The following BCL2 variants were observed in gnomAD, a reference collection of about 807,000 sequenced individuals.
BCL2 encodes the protein apoptosis regulator Bcl-2.
Under a neutral mutation model 14.2 loss-of-function variants are expected in BCL2, and 1 was observed. The observed-to-expected ratio is 0.07, with a 90% CI of 0.02 to 0.33. The LOEUF (loss-of-function observed/expected upper bound fraction) is 0.33, where lower values mean the gene tolerates loss of function less well. BCL2 is among the 10% of genes least tolerant of loss of function. The pLI is 0.99. For synonymous variants in BCL2, 151 were observed against 137.2 expected, an observed-to-expected ratio of 1.10 and a Z score of -0.70; for missense variants, 247 against 305.9, an observed-to-expected ratio of 0.81 and a Z score of 1.44.
intron 2 of BCL2, among the ~76,000 whole-genome samples, chr18:63,221,247 G>C (rs1197925279): frequency 6.6e-6 from 1 of 152,202 alleles, no homozygotes; most frequent in Non-Finnish European, 1.5e-5. Context: ...GGCAACCCAT[G>C]ACCCTTTACA....
At chr18:63,300,811 T>A (rs1912943401) in intron 2 of BCL2, among the ~76,000 whole-genome samples, 1 of 152,170 alleles carries the variant, frequency 6.6e-6, no homozygotes, top group African/African-American at 2.4e-5. Flanking sequence ...CCTCAGAGAC[T>A]CCTGAGCTGG....
intron 2 of BCL2, among the ~76,000 whole-genome samples, chr18:63,212,304 G>A (rs960772948): frequency 1.3e-5 from 2 of 151,558 alleles, no homozygotes; most frequent in Non-Finnish European, 3.0e-5. Context: ...CTCCAGCCTG[G>A]GCGACAGAGC....
At position 63,318,677 on chromosome 18, in the gene BCL2, G is replaced by C. The variant is rs753168582; in HGVS notation, c.-11C>G. 6.8e-6 allele frequency: 11 copies of C among 1,612,442 alleles called. No individual in the cohort carries two copies. The highest frequency in any genetic ancestry group is 2.2e-5 in the East Asian group (1 of 44,722). On this transcript the variant is annotated 5_prime_UTR_variant, in exon 2 of 3. Transcript: ENST00000333681. The surrounding 1 kb of genome is among the most constrained non-coding windows in gnomAD (Gnocchi z 7.4). ...CCCAGCGTGCGCCATCCTTCCCAGA[G>C]GAAAAGCAACGGGGGCCAACGGCAC...
At chr18:63,197,231 C>A (rs115700151) in intron 2 of BCL2, among the ~76,000 whole-genome samples, 2,654 of 152,288 alleles carry the variant, frequency 0.017, 86 homozygotes, top group African/African-American at 0.061. Flanking sequence ...CCCGGCTAAG[C>A]GCCCCCTGCC....
intron 2 of BCL2, among the ~76,000 whole-genome samples, chr18:63,185,602 T>C (rs1324587290): frequency 6.6e-6 from 1 of 152,276 alleles, no homozygotes; most frequent in Non-Finnish European, 1.5e-5. Context: ...CAAGGTTAAG[T>C]AACCTATCTA....
chr18:63,169,427 CTTTCTT>C (rs1915171375), intron 2 of BCL2, among the ~76,000 whole-genome samples: 1 of 131,082 alleles, frequency 7.6e-6, no homozygotes, highest in South Asian at 2.5e-4. Context: ...CTCTCTCTCT[CTTTCTT>C]TTTCTTTCTT....
intron 2 of BCL2, among the ~76,000 whole-genome samples, chr18:63,189,403 G>T (rs993046125): frequency 6.6e-6 from 1 of 152,038 alleles, no homozygotes; most frequent in African/African-American, 2.4e-5. Flanking sequence ...CATAAACAAC[G>T]CTGGAGGTCA....
At chr18:63,137,276 T>C (rs531587327) in intron 2 of BCL2, among the ~76,000 whole-genome samples, 5 of 152,352 alleles carry the variant, frequency 3.3e-5, no homozygotes, top group Admixed American at 1.3e-4. Flanking sequence ...TCCTCGGCTG[T>C]TCCCTGTTCA....
chr18:63,205,078 G>A (rs537298008), intron 2 of BCL2, among the ~76,000 whole-genome samples: 44 of 152,240 alleles, frequency 2.9e-4, no homozygotes, highest in Admixed American at 7.2e-4. Context: ...TAGGAACCAT[G>A]TGACTAATAC....
intron 2 of BCL2, among the ~76,000 whole-genome samples, chr18:63,169,366 T>G: frequency 1.8e-5 from 1 of 57,102 alleles, no homozygotes; most frequent in African/African-American, 8.4e-5. Context: ...TCTTTCTTTC[T>G]TTCTCTTTCT....
At chr18:63,250,190 T>A (rs1206690645) in intron 2 of BCL2, among the ~76,000 whole-genome samples, 11 of 152,174 alleles carry the variant, frequency 7.2e-5, no homozygotes, top group Non-Finnish European at 2.9e-5. Flanking sequence ...GAACTGCACA[T>A]CTGAAGTTGG....
At position 63,306,751 on chromosome 18, in the gene BCL2, C is replaced by G. The variant is rs1276644480; in HGVS notation, c.585+11331G>C. Among the ~76,000 whole-genome samples, 5 of 152,196 alleles carry G rather than the reference C, an allele frequency of 3.3e-5. No homozygotes were observed. The East Asian group carries it at 5.8e-4, about 18-fold the overall frequency. On this transcript the variant is annotated intron_variant, in intron 2 of 2. Coordinates refer to ENST00000333681, the MANE Select transcript of BCL2 (RefSeq NM_000633.3). ...TGATGTTGAATGGTCTTCACTCCCCCAGACCAAGCTTGTCCAATCCATGGC... is the reference window on the plus strand; with the variant it reads ...TGATGTTGAATGGTCTTCACTCCCCGAGACCAAGCTTGTCCAATCCATGGC...
Position 63,181,197 on chromosome 18 carries a change from A to T in BCL2, c.586-52438T>A, listed in dbSNP as rs990654327. ...CTAATTTGGAGGATGCCAGTTTTAG[A>T]GTTCATCTCAGTTTGACTTGTAAAT... On this transcript the variant is annotated intron_variant, in intron 2 of 2. Transcript: ENST00000333681. Among the ~76,000 whole-genome samples, 9 of 152,170 alleles carry T rather than the reference A, an allele frequency of 5.9e-5. 1 individual carries two copies. The Middle Eastern group carries it at 9.5e-3, about 161-fold the overall frequency.
At chr18:63,172,190 A>G (rs995123941) in intron 2 of BCL2, among the ~76,000 whole-genome samples, 4 of 152,312 alleles carry the variant, frequency 2.6e-5, no homozygotes, top group Middle Eastern at 3.4e-3. Flanking sequence ...AATGAACACA[A>G]TCCTAATGAA....
intron 2 of BCL2, among the ~76,000 whole-genome samples, chr18:63,143,601 T>C (rs1283071157): frequency 6.6e-6 from 1 of 152,252 alleles, no homozygotes; most frequent in East Asian, 1.9e-4. Flanking sequence ...GGACCCTGCC[T>C]GCAGAAGGGA....
In BCL2 at chr18:63,271,421, A is replaced by T. The variant is rs538882986; in HGVS notation, c.585+46661T>A. ...TTGCAGTGGAAATGAACAGATGGCA[A>T]ACAAGCAAAAGAGGTATTGGAGAGC... On this transcript the variant is annotated intron_variant, in intron 2 of 2. Coordinates refer to ENST00000333681, the MANE Select transcript of BCL2 (RefSeq NM_000633.3). Among the ~76,000 whole-genome samples the T allele has an allele frequency of 5.9e-5, 9 of 152,356 alleles. No individual in the cohort carries two copies. The South Asian group carries it at 1.9e-3, about 32-fold the overall frequency.
rs1914588464 is a variant in BCL2 at position 63,149,346 on chromosome 18, C to T, written c.586-20587G>A. ...CTCCTAGGAAAACCTAATGTCGCCA[C>T]TGATCTGACAGGAGCCGGAGCTCAG... On this transcript the variant is annotated intron_variant, in intron 2 of 2. Coordinates refer to ENST00000333681, the MANE Select transcript of BCL2 (RefSeq NM_000633.3). This position sits in a 1 kb window ranked among gnomAD's most constrained non-coding sequence, Gnocchi z 4.2. Among the ~76,000 whole-genome samples the T allele has an allele frequency of 6.6e-6, 1 of 152,256 alleles. No homozygotes were observed. Among genetic ancestry groups the T allele is most frequent in the Non-Finnish European group, 1.5e-5 (1 of 68,036 alleles).
chr18:63,268,612 T>C lies in BCL2; in HGVS notation c.585+49470A>G, dbSNP rs541846433. The stretch of plus-strand genomic sequence containing the variant: ...GTCTAGTTCTGAGCAAGGGTTTACA[T>C]TGGTTTCACGACAGTGTGGAATACT... On this transcript the variant is annotated intron_variant, in intron 2 of 2. Coordinates refer to ENST00000333681, the MANE Select transcript of BCL2 (RefSeq NM_000633.3). Among the ~76,000 whole-genome samples, 8 of 152,322 alleles carry C rather than the reference T, an allele frequency of 5.3e-5. No homozygotes were observed. The South Asian group carries it at 1.4e-3, about 28-fold the overall frequency.
rs184779563 is a variant in BCL2 at position 63,302,241 on chromosome 18, C to T, written c.585+15841G>A. ...CCAGCTACTCGGGAGGCTGAGGTTG[C>T]AGTGAGCCGGGACTGCACCACTGCA... On this transcript the variant is annotated intron_variant, in intron 2 of 2. Coordinates refer to ENST00000333681, the MANE Select transcript of BCL2 (RefSeq NM_000633.3). 13 of 691,346 alleles carry T rather than the reference C, an allele frequency of 1.9e-5. No homozygotes were observed. The East Asian group carries it at 1.8e-3, about 94-fold the overall frequency. 42.8% of individuals were successfully genotyped at this position (691,346 alleles called of 1,614,324 possible).
Sources: gnomAD v4.1 joint callset for allele counts (sites outside exome capture counted in the v4.1 genomes callset) on GRCh38, gnomAD v4.1.1 for gene constraint, Gnocchi (gnomAD v3.1) non-coding constraint, MANE v1.5 for transcripts, NCBI Gene and HGNC (gene_info 2026-07-23, HGNC 2026-07-21) for gene names.